The following ETS1 variants were observed in gnomAD, a reference collection of about 807,000 sequenced individuals.
The protein encoded by ETS1 is ETS proto-oncogene 1, transcription factor, also known as protein C-ets-1.
ETS1 carries 15 observed loss-of-function variants against 58.6 expected under a neutral mutation model. The ratio of observed to expected loss-of-function variants is 0.26; its 90% CI spans 0.17 to 0.39. The LOEUF is 0.39. Among genes scored for constraint, ETS1 ranks in the 10% least tolerant of loss-of-function variants. The pLI is 1.00. For missense variants in ETS1, 417 were observed against 610.5 expected, an observed-to-expected ratio of 0.68 and a Z score of 3.34; for synonymous variants, 214 against 218.2, an observed-to-expected ratio of 0.98 and a Z score of 0.17.
chr11:128,533,172 A>T (rs1400823633), intron 3 of ETS1, among the ~76,000 whole-genome samples: 2 of 152,238 alleles, frequency 1.3e-5, no homozygotes, highest in African/African-American at 4.8e-5. Flanking sequence ...GGAATGGATA[A>T]GGTTCATACT....
At chr11:128,525,601 GTATAAATGTAAGA>G (rs1863784731) in intron 3 of ETS1, among the ~76,000 whole-genome samples, 1 of 131,886 alleles carries the variant, frequency 7.6e-6, no homozygotes, top group Non-Finnish European at 1.6e-5. Flanking sequence ...TGATTTACTG[GTATAAATGTAAGA>G]TTTAGAAAAA....
chr11:128,528,500 G>A (rs1863841677), intron 3 of ETS1, among the ~76,000 whole-genome samples: 1 of 152,016 alleles, frequency 6.6e-6, no homozygotes, highest in South Asian at 2.1e-4. Context: ...CAGCTCAAGA[G>A]CACACTCCTA....
intron 2 of ETS1, among the ~76,000 whole-genome samples, chr11:128,569,113 T>C (rs1170769895): frequency 6.6e-6 from 1 of 152,186 alleles, no homozygotes; most frequent in Non-Finnish European, 1.5e-5. Context: ...CATAGGAGGC[T>C]GTCTGGTGTA....
chr11:128,475,714 G>A (rs1256686461), intron 8 of ETS1, among the ~76,000 whole-genome samples: 1 of 152,054 alleles, frequency 6.6e-6, no homozygotes, highest in East Asian at 1.9e-4. Context: ...ACCACGCCCA[G>A]CTAGTTTTTT....
chr11:128,567,821 A>T (rs913843524), intron 2 of ETS1, among the ~76,000 whole-genome samples: 3 of 151,962 alleles, frequency 2.0e-5, no homozygotes, highest in Admixed American at 6.6e-5. Flanking sequence ...TTTAGTAGAG[A>T]CGGGGTTTTA....
At chr11:128,543,794 C>A (rs929240136) in intron 3 of ETS1, among the ~76,000 whole-genome samples, 1 of 152,118 alleles carries the variant, frequency 6.6e-6, no homozygotes, top group Admixed American at 6.5e-5. Flanking sequence ...TCTGAAATAT[C>A]CTGAAAGATA....
intron 2 of ETS1, chr11:128,571,678 GTTC>G (rs1864637319): frequency 6.6e-6 from 1 of 151,964 alleles, no homozygotes; most frequent in Non-Finnish European, 1.5e-5. Context: ...TCAGAAATGC[GTTC>G]TTGTTTATTG....
At chr11:128,560,081 C>T (rs1297181183) in intron 2 of ETS1, among the ~76,000 whole-genome samples, 1 of 152,168 alleles carries the variant, frequency 6.6e-6, no homozygotes, top group African/African-American at 2.4e-5. Context: ...CTGTTCAGTG[C>T]CCCCTGGCAC....
chr11:128,570,526 G>A (rs971813455), intron 2 of ETS1, among the ~76,000 whole-genome samples: 11 of 152,114 alleles, frequency 7.2e-5, no homozygotes, highest in African/African-American at 2.7e-4. Flanking sequence ...ACAGGTGTGA[G>A]CCACTGAGCC....
chr11:128,483,976 G>C (rs1862557568), intron 7 of ETS1, among the ~76,000 whole-genome samples: 1 of 152,168 alleles, frequency 6.6e-6, no homozygotes, highest in Non-Finnish European at 1.5e-5. Flanking sequence ...TTGCTAAATA[G>C]ACAAACCCTT....
intron 2 of ETS1, among the ~76,000 whole-genome samples, chr11:128,570,780 G>C (rs368884229): frequency 1.3e-5 from 2 of 152,114 alleles, no homozygotes; most frequent in African/African-American, 4.8e-5. Flanking sequence ...AAAGGAGGAG[G>C]AGCCCTTTTC....
At chr11:128,580,360 C>A (rs1864841517) in intron 1 of ETS1, among the ~76,000 whole-genome samples, 1 of 152,132 alleles carries the variant, frequency 6.6e-6, no homozygotes, top group Non-Finnish European at 1.5e-5. Flanking sequence ...TCATGAGTAG[C>A]CCACGTGTAT....
intron 1 of ETS1, among the ~76,000 whole-genome samples, chr11:128,573,365 A>G (rs1864677801): frequency 6.6e-6 from 1 of 152,170 alleles, no homozygotes. Flanking sequence ...CCTGGTTGCA[A>G]GGTAACATGG....
chr11:128,481,424 CA>C (rs10707155), intron 7 of ETS1, among the ~76,000 whole-genome samples: 97,618 of 134,156 alleles, frequency 0.73, 33,942 homozygotes, highest in African/African-American at 0.81. Flanking sequence ...AGGAGGCTAG[CA>C]AAAAAAAAAA....
intron 2 of ETS1, among the ~76,000 whole-genome samples, chr11:128,559,086 G>A (rs777687580): frequency 2.2e-4 from 34 of 152,172 alleles, no homozygotes; most frequent in South Asian, 4.1e-4. Flanking sequence ...AAAGATCCTC[G>A]TAAAGTGGTA....
At chr11:128,566,070 A>G (rs1035672409) in intron 2 of ETS1, among the ~76,000 whole-genome samples, 1 of 152,216 alleles carries the variant, frequency 6.6e-6, no homozygotes, top group African/African-American at 2.4e-5. Flanking sequence ...TGTTTACACA[A>G]TGGGGTTGTA....
At chr11:128,527,976 A>G (rs541884366) in intron 3 of ETS1, among the ~76,000 whole-genome samples, 1 of 152,324 alleles carries the variant, frequency 6.6e-6, no homozygotes, top group Admixed American at 6.5e-5. Flanking sequence ...AGAGATCAAG[A>G]AGCAGAGATA....
At chr11:128,527,570 A>G (rs1190370030) in intron 3 of ETS1, among the ~76,000 whole-genome samples, 4 of 152,346 alleles carry the variant, frequency 2.6e-5, no homozygotes, top group East Asian at 1.9e-4. Context: ...TGTAATTGGG[A>G]TTCCAATTTA....
chr11:128,483,487 C>A (rs1294370997), intron 7 of ETS1, among the ~76,000 whole-genome samples: 2 of 152,172 alleles, frequency 1.3e-5, no homozygotes, highest in African/African-American at 2.4e-5. Context: ...CACATGTACA[C>A]ACACTTGTGT....
Sources: allele counts gnomAD v4.1 joint callset (sites outside exome capture counted in the v4.1 genomes callset), GRCh38; gene constraint gnomAD v4.1.1; transcripts MANE v1.5; gene names NCBI Gene and HGNC (gene_info 2026-07-23, HGNC 2026-07-21).